DNTT: variants seen among roughly 807,000 people sequenced by gnomAD.
The protein encoded by DNTT is DNA nucleotidylexotransferase.
A neutral mutation model predicts 60.9 loss-of-function variants in DNTT; 47 were observed. That is an observed-to-expected ratio of 0.77 (90% CI 0.61 to 0.98). The LOEUF (loss-of-function observed/expected upper bound fraction) is 0.98. DNTT is among the 50% of genes least tolerant of loss of function. DNTT has a pLI of 0.00. For synonymous variants in DNTT, 224 were observed against 221.2 expected, an observed-to-expected ratio of 1.01 and a Z score of -0.11; for missense variants, 665 against 627.5, an observed-to-expected ratio of 1.06 and a Z score of -0.64.
At position 96,335,884 on chromosome 10, in the gene DNTT, T is replaced by A. The variant is rs1462048583; in HGVS notation, c.1360-7T>A. On this transcript the variant is annotated splice_region_variant and splice_polypyrimidine_tract_variant and intron_variant, in intron 9 of 10. Transcript: ENST00000371174. ...TTAATAATTTATTTTAACTATCTCC[T>A]ATCCAGCAGTTTGAGAGAGACCTCC... The A allele has an allele frequency of 1.2e-6, 2 of 1,614,100 alleles. No individual in the cohort carries two copies. Among genetic ancestry groups the A allele is most frequent in the Non-Finnish European group, 1.7e-6 (2 of 1,179,940 alleles).
chr10:96,312,995 T>C (rs1236012985), intron 1 of DNTT, among the ~76,000 whole-genome samples: 3 of 152,152 alleles, frequency 2.0e-5, no homozygotes, highest in African/African-American at 7.2e-5. Context: ...CCACTGTCCC[T>C]GCTCTCAGGG....
chr10:96,313,370 T>G (rs930888525), intron 1 of DNTT, among the ~76,000 whole-genome samples: 1 of 152,130 alleles, frequency 6.6e-6, no homozygotes, highest in African/African-American at 2.4e-5. Context: ...CCCTTGAAAA[T>G]GACATTCATG....
chr10:96,309,193 G>A (rs141576920), intron 1 of DNTT, among the ~76,000 whole-genome samples: 7 of 152,272 alleles, frequency 4.6e-5, no homozygotes, highest in African/African-American at 1.2e-4. Context: ...ATCCTTCCTA[G>A]ACTTCCATAG....
In DNTT at chr10:96,304,513, G is replaced by C. The variant is rs2133980133; in HGVS notation, c.16G>C (p.Ala6Pro). 4.3e-6 allele frequency: 7 copies of C among 1,613,748 alleles called. No homozygotes were observed. Among genetic ancestry groups the C allele is most frequent in the South Asian group, 1.1e-5 (1 of 91,076 alleles). MDPPR[A>P]SHLSPRKKRP... ...GCCTCTTCCCATGGATCCACCACGA[G>C]CGTCCCACTTGAGCCCTCGGAAGAA... Residue 6 changes from alanine (A) to proline (P), a missense_variant, in exon 1 of 11, where the codon GCG (alanine) becomes CCG (proline). Coordinates refer to ENST00000371174, the MANE Select transcript of DNTT (RefSeq NM_004088.4).
At chr10:96,336,681 T>C (rs888429108) in intron 10 of DNTT, among the ~76,000 whole-genome samples, 7 of 152,162 alleles carry the variant, frequency 4.6e-5, no homozygotes, top group Non-Finnish European at 8.8e-5. Flanking sequence ...GCGCAGTGGC[T>C]CACGTCTGTA....
intron 4 of DNTT, 99 bp from the exon 5 acceptor site, chr10:96,322,558 T>C: frequency 2.2e-6 from 2 of 895,470 alleles, no homozygotes; most frequent in Non-Finnish European, 3.4e-6. Flanking sequence ...TGCATGCACA[T>C]TTCATGAGAA....
At chr10:96,320,933 CCTCTGTCTCT>C (rs1564871987) in intron 4 of DNTT, 145 bp downstream of exon 4, 9 of 689,940 alleles carry the variant, frequency 1.3e-5, no homozygotes, top group Admixed American at 9.3e-5. Context: ...CTCTCTCTCT[CCTCTGTCTCT>C]CTCTCTCTCT....
At chr10:96,314,588 A>AT (rs1844763940) in intron 1 of DNTT, among the ~76,000 whole-genome samples, 1 of 148,692 alleles carries the variant, frequency 6.7e-6, no homozygotes, top group Non-Finnish European at 1.5e-5. Context: ...AATTTTTTGT[A>AT]TTTTTAGTAG....
rs150736337 is a variant in DNTT, at chr10:96,337,467, G to A, written c.1444-671G>A. On this transcript the variant is annotated intron_variant, in intron 10 of 10. Coordinates refer to ENST00000371174, the MANE Select transcript of DNTT (RefSeq NM_004088.4). ...GGATGCTGGCAGGAAAGCCTCGGAT[G>A]CTAAGCATGTGGGTGAAGGCAGATT... is the stretch of plus-strand genomic sequence containing the variant. 5.5e-3 allele frequency among the ~76,000 whole-genome samples: 839 copies of A among 152,362 alleles called. 6 individuals carry two copies. The highest frequency in any genetic ancestry group is 0.018 in the African/African-American group (765 of 41,584).
At chr10:96,316,260 G>C (rs1844784032) in intron 1 of DNTT, among the ~76,000 whole-genome samples, 1 of 152,144 alleles carries the variant, frequency 6.6e-6, no homozygotes, top group East Asian at 1.9e-4. Flanking sequence ...TTTCATAGGT[G>C]AGCTGATGCA....
At chr10:96,329,490 C>G (rs192114279) in intron 8 of DNTT, among the ~76,000 whole-genome samples, 1 of 152,226 alleles carries the variant, frequency 6.6e-6, no homozygotes, top group African/African-American at 2.4e-5. Flanking sequence ...GAGGGTCCTA[C>G]CCTTGGGACC....
intron 9 of DNTT, among the ~76,000 whole-genome samples, chr10:96,334,520 G>T (rs1029389444): frequency 6.6e-6 from 1 of 152,140 alleles, no homozygotes; most frequent in Non-Finnish European, 1.5e-5. Context: ...AAATGGGTTC[G>T]TAGAGGGTTT....
intron 5 of DNTT, among the ~76,000 whole-genome samples, chr10:96,323,378 G>A (rs940153852): frequency 6.6e-6 from 1 of 152,132 alleles, no homozygotes; most frequent in Admixed American, 6.6e-5. Flanking sequence ...CTTAAATACG[G>A]TCATACTGGG....
At chr10:96,304,816 G>A in intron 1 of DNTT, 116 bp downstream of exon 1, 3 of 1,131,640 alleles carry the variant, frequency 2.7e-6, no homozygotes, top group Non-Finnish European at 3.7e-6. Flanking sequence ...TTCCCACTGG[G>A]AGAACAGCAG....
Position 96,332,616 on chromosome 10 carries a change from A to G in DNTT, c.1359+20A>G. 1 of 1,609,080 alleles carries G rather than the reference A, an allele frequency of 6.2e-7. No individual in the cohort carries two copies. Among genetic ancestry groups the G allele is most frequent in the Non-Finnish European group, 8.5e-7 (1 of 1,176,078 alleles). On this transcript the variant is annotated intron_variant, in intron 9 of 10. Transcript: ENST00000371174. The stretch of plus-strand genomic sequence containing the variant: ...TCCCGGGTAAGTGCTACATGGACCC[A>G]TGGGATGATGTTAGCTTTCTGAAAG...
At chr10:96,319,193 A>T (rs1844830809) in intron 2 of DNTT, 69 bp from the exon 3 acceptor site, 4 of 1,530,610 alleles carry the variant, frequency 2.6e-6, no homozygotes, top group South Asian at 2.7e-5. Context: ...CTACTTCCAA[A>T]TTTTTTCCGT....
chr10:96,326,790 T>C (rs1056719927), intron 6 of DNTT, among the ~76,000 whole-genome samples: 5 of 152,214 alleles, frequency 3.3e-5, no homozygotes, highest in Non-Finnish European at 7.3e-5. Flanking sequence ...TGATTTGATG[T>C]CCCTCAGGCT....
chr10:96,304,826 G>C, intron 1 of DNTT, 126 bp downstream of exon 1: 1 of 1,075,512 alleles, frequency 9.3e-7, no homozygotes, highest in South Asian at 1.7e-5. Flanking sequence ...GAGAACAGCA[G>C]ATTTGAAATC....
Position 96,327,477 on chromosome 10 carries a change from A to T in DNTT, c.884A>T (p.Tyr295Phe). The change falls in exon 7 of 11, where the codon TAT (tyrosine) becomes TTT (phenylalanine). Residue 295 changes from tyrosine to phenylalanine, a missense_variant. Physicochemically the swap from Tyr to Phe is conservative, Grantham distance 22. Transcript: ENST00000371174. ...FTRMQKAGFL[Y>F]YEDLVSCVTR... ...TCAAATGGCCTCTCAGGATTTCTGTATTATGAAGACCTTGTCAGCTGTGTG... is the reference window on the plus strand; with the variant it reads ...TCAAATGGCCTCTCAGGATTTCTGTTTTATGAAGACCTTGTCAGCTGTGTG... 1 of 1,614,080 alleles carries T rather than the reference A, an allele frequency of 6.2e-7. No homozygotes were observed. The highest frequency in any genetic ancestry group is 8.5e-7 in the Non-Finnish European group (1 of 1,179,940).
Sources: gnomAD v4.1 joint callset for allele counts (sites outside exome capture counted in the v4.1 genomes callset) on GRCh38, gnomAD v4.1.1 for gene constraint, MANE v1.5 for transcripts, NCBI Gene and HGNC (gene_info 2026-07-23, HGNC 2026-07-21) for gene names.